The following IQCM variants were observed in gnomAD, a reference collection of about 807,000 sequenced individuals.
IQCM encodes IQ motif containing M.
IQCM carries 45 observed loss-of-function variants against 57.6 expected under a neutral mutation model. The observed-to-expected ratio is 0.78, with a 90% CI of 0.62 to 1.00. The LOEUF (loss-of-function observed/expected upper bound fraction) is 1.00, where lower values mean the gene tolerates loss of function less well. IQCM is among the 50% of genes least tolerant of loss of function. The pLI is 0.00. For missense variants in IQCM, 468 were observed against 511.6 expected (o/e 0.91, Z 0.82); for synonymous variants, 148 against 158.9 (o/e 0.93, Z 0.51).
chr4:149,635,571 C>T (rs967860077), intron 7 of IQCM, among the ~76,000 whole-genome samples: 5 of 152,258 alleles, frequency 3.3e-5, no homozygotes, highest in African/African-American at 1.2e-4. Flanking sequence ...TTCAAAGTTT[C>T]CAATTTTAAT....
chr4:149,429,407 G>A (rs1176159120), intron 13 of IQCM, among the ~76,000 whole-genome samples: 1 of 151,840 alleles, frequency 6.6e-6, no homozygotes, highest in African/African-American at 2.4e-5. Flanking sequence ...AATTCTTTGT[G>A]CCTATTAGCA....
intron 2 of IQCM, among the ~76,000 whole-genome samples, chr4:149,786,190 CA>C (rs1772066644): frequency 6.6e-6 from 1 of 152,088 alleles, no homozygotes. Flanking sequence ...ATGACTCACA[CA>C]AAATTAGCCT....
rs372224343 is a variant in IQCM at position 149,778,375 on chromosome 4, T to TA, written c.-48-35637dup. ...TGGAAGACAGAGCAAGGCTCTGTCT[T>TA]AAAAAAAAAAGAAAAGAAAAATTAA... On this transcript the variant is annotated intron_variant, in intron 2 of 13. Coordinates refer to ENST00000636793, the MANE Select transcript of IQCM (RefSeq NM_001363507.2). Among the ~76,000 whole-genome samples, 94 of 147,164 alleles carry TA rather than the reference T, an allele frequency of 6.4e-4. 2 individuals carry two copies. The highest frequency in any genetic ancestry group is 3.5e-3 in the Middle Eastern group (1 of 284).
At chr4:149,636,741 G>C (rs1757750362) in intron 7 of IQCM, among the ~76,000 whole-genome samples, 1 of 152,172 alleles carries the variant, frequency 6.6e-6, no homozygotes, top group Admixed American at 6.5e-5. Flanking sequence ...AAAATGATAA[G>C]TAGACACAAA....
intron 12 of IQCM, among the ~76,000 whole-genome samples, chr4:149,438,415 A>G (rs1735581356): frequency 6.6e-6 from 1 of 152,120 alleles, no homozygotes; most frequent in South Asian, 2.1e-4. Context: ...TGAAGTTTTT[A>G]GTATGGAATT....
At chr4:149,358,690 G>A (rs1398211323) in intron 13 of IQCM, among the ~76,000 whole-genome samples, 1 of 151,968 alleles carries the variant, frequency 6.6e-6, no homozygotes, top group African/African-American at 2.4e-5. Flanking sequence ...CTGGCAAAGA[G>A]GGAAGAAAAA....
intron 7 of IQCM, among the ~76,000 whole-genome samples, chr4:149,670,936 C>G (rs1487115463): frequency 7.7e-6 from 1 of 130,034 alleles, no homozygotes; most frequent in African/African-American, 2.5e-5. Flanking sequence ...GTCTAAAATT[C>G]TCTCTTTTTT....
At chr4:149,587,509 G>C in intron 9 of IQCM, among the ~76,000 whole-genome samples, 1 of 151,794 alleles carries the variant, frequency 6.6e-6, no homozygotes, top group Non-Finnish European at 1.5e-5. Context: ...AGCAATCTAA[G>C]AGTTTTTAAT....
intron 13 of IQCM, among the ~76,000 whole-genome samples, chr4:149,410,881 A>G (rs894856952): frequency 6.6e-6 from 1 of 152,056 alleles, no homozygotes; most frequent in African/African-American, 2.4e-5. Flanking sequence ...GATTGATTTC[A>G]CCTCACTGGA....
chr4:149,401,061 G>A (rs914817414), intron 13 of IQCM, among the ~76,000 whole-genome samples: 4 of 151,432 alleles, frequency 2.6e-5, no homozygotes, highest in African/African-American at 4.8e-5. Flanking sequence ...ATAATTTAAC[G>A]CATATCTCTT....
At chr4:149,701,268 T>C (rs77368322) in intron 5 of IQCM, among the ~76,000 whole-genome samples, 6 of 151,870 alleles carry the variant, frequency 4.0e-5, no homozygotes, top group Admixed American at 3.3e-4. Flanking sequence ...CAAAAATAAT[T>C]TTTTCATGTG....
intron 13 of IQCM, among the ~76,000 whole-genome samples, chr4:149,353,897 A>G (rs1728743210): frequency 6.6e-6 from 1 of 152,148 alleles, no homozygotes; most frequent in African/African-American, 2.4e-5. Flanking sequence ...ATTGTACCGT[A>G]TTTGGGATTC....
At chr4:149,441,492 CTG>C (rs1048494510) in intron 12 of IQCM, among the ~76,000 whole-genome samples, 3 of 152,168 alleles carry the variant, frequency 2.0e-5, no homozygotes, top group Admixed American at 6.6e-5. Flanking sequence ...GAATAATCCT[CTG>C]TGGTTTTCAG....
chr4:149,466,179 A>T (rs1398006755), intron 12 of IQCM, among the ~76,000 whole-genome samples: 45 of 152,230 alleles, frequency 3.0e-4, no homozygotes, highest in Non-Finnish European at 1.5e-5. Context: ...GCTAGGACAC[A>T]TCACTACTCT....
intron 13 of IQCM, among the ~76,000 whole-genome samples, chr4:149,369,246 G>A (rs1234080895): frequency 2.0e-5 from 3 of 151,258 alleles, no homozygotes; most frequent in African/African-American, 7.3e-5. Flanking sequence ...CTTTCACCAT[G>A]TTGACCAGGC....
At chr4:149,744,277 G>T (rs1366931871) in intron 2 of IQCM, among the ~76,000 whole-genome samples, 1 of 152,142 alleles carries the variant, frequency 6.6e-6, no homozygotes, top group Non-Finnish European at 1.5e-5. Context: ...TTCTGCAAAT[G>T]AACTGGGATA....
At chr4:149,712,505 A>G (rs1468236744) in intron 5 of IQCM, among the ~76,000 whole-genome samples, 1 of 152,144 alleles carries the variant, frequency 6.6e-6, no homozygotes, top group Non-Finnish European at 1.5e-5. Context: ...ACTTACGCTC[A>G]TATATTCACT....
At chr4:149,456,290 T>G (rs1281238663) in intron 12 of IQCM, among the ~76,000 whole-genome samples, 1 of 152,098 alleles carries the variant, frequency 6.6e-6, no homozygotes, top group Non-Finnish European at 1.5e-5. Flanking sequence ...TCTTCAGAGA[T>G]AGGGACATTC....
At chr4:149,812,961 T>A (rs1774724155) in intron 2 of IQCM, among the ~76,000 whole-genome samples, 1 of 152,206 alleles carries the variant, frequency 6.6e-6, no homozygotes, top group Non-Finnish European at 1.5e-5. Context: ...GCTACATTAA[T>A]ATCTCAGAGT....
Sources: allele counts gnomAD v4.1 joint callset (sites outside exome capture counted in the v4.1 genomes callset), GRCh38; gene constraint gnomAD v4.1.1; transcripts MANE v1.5; gene names NCBI Gene and HGNC (gene_info 2026-07-23, HGNC 2026-07-21).